ANKFN1: variants seen among roughly 807,000 people sequenced by gnomAD.
ANKFN1 encodes the protein ankyrin repeat and fibronectin type III domain containing 1.
A neutral mutation model predicts 108.7 loss-of-function variants in ANKFN1; 74 were observed. The observed-to-expected ratio is 0.68, with a 90% CI of 0.56 to 0.83. The LOEUF (loss-of-function observed/expected upper bound fraction) is 0.83, where lower values mean the gene tolerates loss of function less well. ANKFN1 is among the 40% of genes least tolerant of loss of function. ANKFN1 has a pLI of 0.00. For synonymous variants in ANKFN1, 547 were observed against 516.2 expected (o/e 1.06, Z -0.81); for missense variants, 1,505 against 1,382.3 (o/e 1.09, Z -1.41).
intron 3 of ANKFN1, among the ~76,000 whole-genome samples, chr17:56,307,543 A>G (rs927940170): frequency 6.6e-6 from 1 of 152,334 alleles, no homozygotes. Flanking sequence ...ATCTCACACC[A>G]GTTAGAATGG....
intron 3 of ANKFN1, among the ~76,000 whole-genome samples, chr17:56,235,577 G>A (rs1218226349): frequency 2.0e-5 from 3 of 152,226 alleles, no homozygotes; most frequent in Admixed American, 2.0e-4. Context: ...CATATGGCTA[G>A]CCTGTTACCC....
At chr17:56,236,252 T>C (rs766730646) in intron 3 of ANKFN1, among the ~76,000 whole-genome samples, 2 of 151,954 alleles carry the variant, frequency 1.3e-5, no homozygotes, top group Non-Finnish European at 2.9e-5. Flanking sequence ...AGAGACGTGG[T>C]TTCACCATGT....
At chr17:56,116,605 A>T (rs999226849) in intron 4 of ANKFN1, among the ~76,000 whole-genome samples, 1 of 152,066 alleles carries the variant, frequency 6.6e-6, no homozygotes, top group Non-Finnish European at 1.5e-5. Flanking sequence ...CTCCTCTCTC[A>T]TCGGCTCCCC....
chr17:56,226,423 A>G (rs144874934), intron 2 of ANKFN1, among the ~76,000 whole-genome samples: 15 of 152,230 alleles, frequency 9.9e-5, no homozygotes, highest in African/African-American at 3.1e-4. Flanking sequence ...ACTCCTAACC[A>G]CCTTCACAGA....
At chr17:56,243,671 C>T (rs2144015832) in intron 3 of ANKFN1, among the ~76,000 whole-genome samples, 1 of 152,222 alleles carries the variant, frequency 6.6e-6, no homozygotes, top group South Asian at 2.1e-4. Flanking sequence ...CAGATGGAAG[C>T]CCAGGTGGCT....
intron 4 of ANKFN1, among the ~76,000 whole-genome samples, chr17:56,130,437 G>GA (rs925527805): frequency 1.8e-4 from 27 of 150,136 alleles, no homozygotes; most frequent in Admixed American, 4.7e-4. Context: ...ATGTGAAATG[G>GA]AAAAAAAAAT....
At chr17:56,430,422 G>A (rs2048714016) in intron 8 of ANKFN1, among the ~76,000 whole-genome samples, 1 of 151,722 alleles carries the variant, frequency 6.6e-6, no homozygotes, top group African/African-American at 2.4e-5. Context: ...AAAAGTTATA[G>A]TTAGGTAGAC....
intron 4 of ANKFN1, among the ~76,000 whole-genome samples, chr17:56,105,037 A>G (rs1467285474): frequency 6.6e-6 from 1 of 152,220 alleles, no homozygotes; most frequent in Non-Finnish European, 1.5e-5. Context: ...ATGGAGAATG[A>G]CAAATAGTTT....
At chr17:56,360,603 T>C (rs2046491655) in intron 6 of ANKFN1, among the ~76,000 whole-genome samples, 1 of 152,218 alleles carries the variant, frequency 6.6e-6, no homozygotes, top group East Asian at 1.9e-4. Flanking sequence ...CTGAATTTAA[T>C]TGAATCAATC....
intron 4 of ANKFN1, among the ~76,000 whole-genome samples, chr17:56,089,808 A>G (rs150923512): frequency 0.013 from 1,957 of 151,332 alleles, 100 homozygotes; most frequent in African/African-American, 0.045. Flanking sequence ...TTTGCTATTT[A>G]CCAGCCGGGT....
chr17:56,481,639 A>G (rs929109019), intron 17 of ANKFN1, among the ~76,000 whole-genome samples: 1 of 152,176 alleles, frequency 6.6e-6, no homozygotes, highest in Non-Finnish European at 1.5e-5. Context: ...GCAGGGGAAT[A>G]AATTAGAGTT....
intron 1 of ANKFN1, among the ~76,000 whole-genome samples, chr17:56,170,565 C>T (rs1201387039): frequency 6.6e-6 from 1 of 151,500 alleles, no homozygotes; most frequent in Admixed American, 6.6e-5. Flanking sequence ...GGGTTCAAGA[C>T]CAGCCTGGCC....
chr17:56,123,839 CAGAGAGAGAGAG>C (rs72419531), intron 4 of ANKFN1, among the ~76,000 whole-genome samples: 2 of 142,448 alleles, frequency 1.4e-5, no homozygotes, highest in Non-Finnish European at 3.1e-5. Context: ...GAGAGAGACA[CAGAGAGAGAGAG>C]AGAGAGAGAG....
At chr17:56,451,846 C>T (rs886123802) in intron 11 of ANKFN1, among the ~76,000 whole-genome samples, 6 of 152,068 alleles carry the variant, frequency 3.9e-5, no homozygotes, top group Admixed American at 1.3e-4. Context: ...CTGTAATGAC[C>T]GTGTAATGAC....
intron 2 of ANKFN1, among the ~76,000 whole-genome samples, chr17:56,216,518 C>T (rs920228618): frequency 6.6e-6 from 1 of 152,212 alleles, no homozygotes; most frequent in Non-Finnish European, 1.5e-5. Flanking sequence ...TTCAGTCAAA[C>T]AGCTCTTACT....
At chr17:56,274,478 A>G (rs1293695158) in intron 3 of ANKFN1, among the ~76,000 whole-genome samples, 1 of 151,990 alleles carries the variant, frequency 6.6e-6, no homozygotes, top group African/African-American at 2.4e-5. Flanking sequence ...GCCTCAAAAA[A>G]ATAATAATAA....
intron 4 of ANKFN1, among the ~76,000 whole-genome samples, chr17:56,050,834 C>T (rs1417414512): frequency 6.6e-6 from 1 of 151,952 alleles, no homozygotes; most frequent in Non-Finnish European, 1.5e-5. Context: ...TGGATAAATT[C>T]CTCGACACAT....
intron 1 of ANKFN1, among the ~76,000 whole-genome samples, chr17:56,167,856 A>G (rs546523242): frequency 5.3e-5 from 8 of 152,300 alleles, no homozygotes; most frequent in South Asian, 2.1e-4. Context: ...TTAATGGCCA[A>G]CACAGAAGTG....
At chr17:56,318,810 C>T (rs968295495) in intron 3 of ANKFN1, among the ~76,000 whole-genome samples, 1 of 152,068 alleles carries the variant, frequency 6.6e-6, no homozygotes, top group African/African-American at 2.4e-5. Flanking sequence ...ATCTGATTTC[C>T]AAGTGCTTGT....
Sources: gnomAD v4.1 joint callset for allele counts (sites outside exome capture counted in the v4.1 genomes callset) on GRCh38, gnomAD v4.1.1 for gene constraint, MANE v1.5 for transcripts, NCBI Gene and HGNC (gene_info 2026-07-23, HGNC 2026-07-21) for gene names.